SEMA4D: variants seen among roughly 807,000 people sequenced by gnomAD.
SEMA4D encodes the protein semaphorin-4D.
A neutral mutation model predicts 74.8 loss-of-function variants in SEMA4D; 22 were observed. The observed-to-expected ratio is 0.29, with a 90% CI of 0.21 to 0.42. The LOEUF is 0.42. Ranked by LOEUF, SEMA4D falls within the 10% of genes least tolerant of loss-of-function variation. The probability of loss-of-function intolerance (pLI) is 1.00; values close to 1 mark genes in which losing one functional copy is unlikely to be tolerated. For synonymous variants in SEMA4D, 445 were observed against 463.7 expected, an observed-to-expected ratio of 0.96 and a Z score of 0.52; for missense variants, 937 against 1,118.4, an observed-to-expected ratio of 0.84 and a Z score of 2.31.
chr9:89,460,526 A>G (rs1259944377), intron 1 of SEMA4D, among the ~76,000 whole-genome samples: 1 of 152,242 alleles, frequency 6.6e-6, no homozygotes, highest in Non-Finnish European at 1.5e-5. Context: ...AATGTGTCAC[A>G]CACTCATGCA....
At chr9:89,439,624 C>A (rs1851255487) in intron 2 of SEMA4D, among the ~76,000 whole-genome samples, 1 of 152,216 alleles carries the variant, frequency 6.6e-6, no homozygotes, top group Non-Finnish European at 1.5e-5. Flanking sequence ...CCCACACGAA[C>A]AATGTGGTGC....
In SEMA4D at chr9:89,378,312, A is replaced by T. The variant is rs1268785047; in HGVS notation, c.*392T>A. On this transcript the variant is annotated 3_prime_UTR_variant, in exon 16 of 16. Coordinates refer to ENST00000422704, the MANE Select transcript of SEMA4D (RefSeq NM_001371194.2). ...TCTGATAAACTAAAATGTCATTTCCAATCTGGAATTAAATAATCTTTTAGT... is the reference window on the plus strand; with the variant it reads ...TCTGATAAACTAAAATGTCATTTCCTATCTGGAATTAAATAATCTTTTAGT... The T allele has an allele frequency of 5.7e-6, 1 of 174,262 alleles. No individual in the cohort carries two copies. The highest frequency in any genetic ancestry group is 1.6e-4 in the East Asian group (1 of 6,340). 10.8% of individuals were successfully genotyped at this position (174,262 alleles called of 1,614,324 possible). A position where few individuals can be genotyped will look rare whatever the true frequency, so the allele number is the denominator to read the frequency against.
At chr9:89,421,953 A>C (rs1165767508) in intron 2 of SEMA4D, among the ~76,000 whole-genome samples, 2 of 152,272 alleles carry the variant, frequency 1.3e-5, no homozygotes, top group Non-Finnish European at 2.9e-5. Context: ...TTGATTCTTT[A>C]GAACTATTCG....
At chr9:89,447,875 TC>T (rs1853354532) in intron 2 of SEMA4D, among the ~76,000 whole-genome samples, 1 of 152,132 alleles carries the variant, frequency 6.6e-6, no homozygotes, top group South Asian at 2.1e-4. Flanking sequence ...CATACGGTGC[TC>T]CTCCCCAGGC....
intron 1 of SEMA4D, among the ~76,000 whole-genome samples, chr9:89,480,768 G>A (rs956893417): frequency 1.2e-4 from 19 of 152,324 alleles, no homozygotes; most frequent in South Asian, 6.2e-4. Flanking sequence ...CGCAAGTGCC[G>A]CACACAGCCC....
chr9:89,496,059 T>C (rs1192821432), intron 1 of SEMA4D, among the ~76,000 whole-genome samples: 1 of 152,176 alleles, frequency 6.6e-6, no homozygotes, highest in Admixed American at 6.5e-5. Context: ...GCGGTCCACA[T>C]GGAGAGGACT....
At chr9:89,415,642 G>A (rs933920348) in intron 2 of SEMA4D, among the ~76,000 whole-genome samples, 3 of 152,174 alleles carry the variant, frequency 2.0e-5, no homozygotes, top group Non-Finnish European at 2.9e-5. Context: ...CAGGAGGAGG[G>A]CCTTCACCAG....
At chr9:89,375,054 A>AAAAT (rs1056712462), downstream of SEMA4D, among the ~76,000 whole-genome samples, 6 of 152,204 alleles carry the variant, frequency 3.9e-5, no homozygotes, top group African/African-American at 9.7e-5. Context: ...CTCTGCCTCA[A>AAAAT]AAATAAATAA....
At chr9:89,438,094 A>T (rs1034741871) in intron 2 of SEMA4D, among the ~76,000 whole-genome samples, 2 of 152,110 alleles carry the variant, frequency 1.3e-5, no homozygotes, top group Admixed American at 6.5e-5. Context: ...GATGCTGTGG[A>T]GGGAGCAGCC....
At chr9:89,418,967 TCCTC>T (rs1564707240) in intron 2 of SEMA4D, 6 of 150,832 alleles carry the variant, frequency 4.0e-5, no homozygotes, top group African/African-American at 1.2e-4. Context: ...CGGCTCTCCC[TCCTC>T]TACAGGAGCC....
intron 2 of SEMA4D, among the ~76,000 whole-genome samples, chr9:89,416,808 A>T (rs145173550): frequency 6.1e-4 from 93 of 152,366 alleles, no homozygotes; most frequent in African/African-American, 2.2e-3. Context: ...TGCTACACCC[A>T]AGTCAGTAGA....
chr9:89,480,250 A>G (rs1372177581), intron 1 of SEMA4D, among the ~76,000 whole-genome samples: 10 of 151,688 alleles, frequency 6.6e-5, no homozygotes, highest in Non-Finnish European at 1.3e-4. Context: ...TGCACTCACA[A>G]ACCTTGAGCT....
intron 2 of SEMA4D, among the ~76,000 whole-genome samples, chr9:89,445,364 T>C (rs1349100117): frequency 1.3e-5 from 2 of 152,210 alleles, no homozygotes; most frequent in Non-Finnish European, 2.9e-5. Context: ...CTCTCACCAG[T>C]GACCACAAAC....
intron 1 of SEMA4D, among the ~76,000 whole-genome samples, chr9:89,494,433 T>A (rs1320740526): frequency 6.6e-6 from 1 of 152,210 alleles, no homozygotes; most frequent in Non-Finnish European, 1.5e-5. Context: ...GGCTCCATAA[T>A]GATCTGCTGA....
At chr9:89,419,847 G>A (rs1480446354) in intron 2 of SEMA4D, among the ~76,000 whole-genome samples, 1 of 152,152 alleles carries the variant, frequency 6.6e-6, no homozygotes, top group African/African-American at 2.4e-5. Flanking sequence ...AACTCAGGAG[G>A]TGGAGGTTGG....
At chr9:89,494,496 G>A (rs1219240492) in intron 1 of SEMA4D, among the ~76,000 whole-genome samples, 2 of 152,228 alleles carry the variant, frequency 1.3e-5, no homozygotes, top group Non-Finnish European at 2.9e-5. Context: ...GCCTGCACTT[G>A]TGCATGGAGA....
intron 2 of SEMA4D, among the ~76,000 whole-genome samples, chr9:89,454,829 C>T (rs1168594136): frequency 6.6e-6 from 1 of 152,260 alleles, no homozygotes; most frequent in East Asian, 1.9e-4. Flanking sequence ...ACAGCACTCC[C>T]AGCCCCCAGC....
intron 2 of SEMA4D, among the ~76,000 whole-genome samples, chr9:89,429,435 T>C (rs1166860231): frequency 1.3e-5 from 2 of 152,122 alleles, no homozygotes; most frequent in Non-Finnish European, 2.9e-5. Flanking sequence ...AAAGCAAGGC[T>C]TGGAAACTTC....
chr9:89,430,997 C>T (rs1395426088), intron 2 of SEMA4D, among the ~76,000 whole-genome samples: 1 of 152,138 alleles, frequency 6.6e-6, no homozygotes, highest in Non-Finnish European at 1.5e-5. Context: ...TACCAAAAAA[C>T]AAATAGGCAC....
Sources: gnomAD v4.1 joint callset for allele counts (sites outside exome capture counted in the v4.1 genomes callset) on GRCh38, gnomAD v4.1.1 for gene constraint, MANE v1.5 for transcripts, NCBI Gene and HGNC (gene_info 2026-07-23, HGNC 2026-07-21) for gene names.